Variants in DCAF13 observed in about 807,000 individuals in gnomAD.
DCAF13 encodes the protein DDB1 and CUL4 associated factor 13.
A neutral mutation model predicts 59.0 loss-of-function variants in DCAF13; 38 were observed. The ratio of observed to expected loss-of-function variants is 0.64; its 90% CI spans 0.50 to 0.84. The LOEUF (loss-of-function observed/expected upper bound fraction) is 0.84, where lower values mean the gene tolerates loss of function less well. DCAF13 is among the 40% of genes least tolerant of loss of function. The pLI, the probability that DCAF13 is intolerant of heterozygous loss-of-function variation, is 0.00. For synonymous variants in DCAF13, 173 were observed against 175.0 expected (o/e 0.99, Z 0.09); for missense variants, 469 against 558.4 (o/e 0.84, Z 1.61).
At chr8:103,437,298 A>G (rs1563506578) in intron 8 of DCAF13, among the ~76,000 whole-genome samples, 1 of 152,166 alleles carries the variant, frequency 6.6e-6, no homozygotes, top group Admixed American at 6.5e-5. Context: ...TGGCACCACA[A>G]CTTCCAAAGG....
intron 3 of DCAF13, among the ~76,000 whole-genome samples, chr8:103,424,221 G>C (rs375768638): frequency 4.6e-5 from 7 of 152,046 alleles, no homozygotes; most frequent in African/African-American, 1.4e-4. Flanking sequence ...TAGAGACAGG[G>C]TTTCACCGTG....
chr8:103,442,852 G>T lies in DCAF13; in HGVS notation c.1308G>T (p.Lys436Asn), dbSNP rs759522627. ...GATCTGTGCCACTTGTGTCAGAGAAGAAGAAACACGTAGTGGCAGTTGTAA... is the reference window on the plus strand; with the variant it reads ...GATCTGTGCCACTTGTGTCAGAGAATAAGAAACACGTAGTGGCAGTTGTAA... The part of the protein sequence containing the change: ...KPGSVPLVSE[K>N]KKHVVAVVK The change falls in exon 11 of 11, where the codon AAG becomes AAT. Residue 436 changes from lysine (K) to asparagine (N), a missense_variant. Physicochemically the swap from Lys to Asn is moderately conservative, Grantham distance 94 (BLOSUM62 0). Around this residue, in one of 3 missense-constraint regions of DCAF13, gnomAD observed 84 missense variants for 92.3 expected, o/e 0.91. Transcript: ENST00000612750. 13 of 1,608,384 alleles carry T rather than the reference G, an allele frequency of 8.1e-6. No homozygotes were observed. The highest frequency in any genetic ancestry group is 1.1e-5 in the Non-Finnish European group (13 of 1,178,280).
intron 7 of DCAF13, among the ~76,000 whole-genome samples, chr8:103,433,002 A>C (rs1816885854): frequency 1.3e-5 from 2 of 152,132 alleles, no homozygotes; most frequent in Admixed American, 6.6e-5. Flanking sequence ...TTTTTTATAA[A>C]GTTTTATTGG....
chr8:103,429,131 T>G (rs1205877695), intron 5 of DCAF13: 1 of 152,210 alleles, frequency 6.6e-6, no homozygotes, highest in Non-Finnish European at 1.5e-5. Context: ...TTGGGACGTT[T>G]TACAGTGTGA....
intron 5 of DCAF13, chr8:103,430,382 A>T (rs1262369945): frequency 1.0e-5 from 3 of 286,324 alleles, no homozygotes; most frequent in African/African-American, 7.3e-5. Flanking sequence ...ACAGAGCAAG[A>T]CTCTGTCTCT....
At chr8:103,436,873 G>C (rs1412200418) in intron 8 of DCAF13, among the ~76,000 whole-genome samples, 1 of 152,110 alleles carries the variant, frequency 6.6e-6, no homozygotes, top group African/African-American at 2.4e-5. Flanking sequence ...GGATGATCAT[G>C]GTCATAGTCA....
chr8:103,435,367 T>G (rs775787723), intron 7 of DCAF13, among the ~76,000 whole-genome samples: 2 of 152,082 alleles, frequency 1.3e-5, no homozygotes, highest in African/African-American at 4.8e-5. Flanking sequence ...GTACTCTACT[T>G]TTTTTGAAAT....
intron 7 of DCAF13, 119 bp downstream of exon 7, chr8:103,432,860 ATC>A: frequency 3.6e-6 from 2 of 562,508 alleles, no homozygotes; most frequent in Non-Finnish European, 6.2e-6. Flanking sequence ...GAAAACTGTC[ATC>A]TGTTTAGCTT....
intron 9 of DCAF13, 160 bp from the exon 10 acceptor site, chr8:103,441,295 A>G (rs1817007165): frequency 3.5e-6 from 2 of 576,550 alleles, no homozygotes; most frequent in Admixed American, 3.8e-5. Flanking sequence ...TTGCAGAGCT[A>G]GTGTTACTAA....
In DCAF13 at chr8:103,443,021, A is replaced by G. The variant is rs1817030752; in HGVS notation, c.*139A>G. ...AGCTTTATTGTTACTCCTTTTAGCT[A>G]CCCTGAAAAATGATCCTTAAAGGTG... On this transcript the variant is annotated 3_prime_UTR_variant, in exon 11 of 11. Coordinates refer to ENST00000612750, the MANE Select transcript of DCAF13 (RefSeq NM_015420.7). 3.8e-6 allele frequency: 2 copies of G among 523,108 alleles called. No individual in the cohort carries two copies. Among genetic ancestry groups the G allele is most frequent in the South Asian group, 7.8e-5 (2 of 25,496 alleles). The allele number at this position is 523,108 out of a possible 1,614,324, so 32.4% of individuals were successfully genotyped here.
chr8:103,435,985 C>T (rs147070978), intron 8 of DCAF13, among the ~76,000 whole-genome samples, 195 bp downstream of exon 8: 12 of 152,226 alleles, frequency 7.9e-5, no homozygotes, highest in African/African-American at 1.7e-4. Flanking sequence ...TTCTAGACTA[C>T]GAATCTGTTC....
Position 103,441,618 on chromosome 8 carries a change from A to G in DCAF13, c.1250A>G (p.Lys417Arg). ...ATCATGAAAGAAGCTCGTCGACGAA[A>G]GTATGTTTTGAGGCATTTGACTCTA... is the stretch of plus-strand genomic sequence containing the variant. Reference protein sequence around the residue: ...QRIMKEARRRKEVNRIKHSKP... With the variant: ...QRIMKEARRRREVNRIKHSKP... The change falls in exon 10 of 11, where the codon AAG becomes AGG. Residue 417 changes from lysine to arginine, a missense_variant and splice_region_variant. Lys to Arg is a conservative substitution (Grantham distance 26, BLOSUM62 2). Around this residue, in one of 3 missense-constraint regions of DCAF13, gnomAD observed 84 missense variants for 92.3 expected, o/e 0.91. Transcript: ENST00000612750. The G allele has an allele frequency of 6.2e-7, 1 of 1,610,538 alleles. No homozygotes were observed. Among genetic ancestry groups the G allele is most frequent in the Admixed American group, 1.7e-5 (1 of 58,860 alleles).
intron 8 of DCAF13, among the ~76,000 whole-genome samples, chr8:103,436,745 A>G (rs1816939782): frequency 6.6e-6 from 1 of 152,170 alleles, no homozygotes; most frequent in African/African-American, 2.4e-5. Context: ...TGGTTTACAA[A>G]GAGCTGTTAT....
In DCAF13 at chr8:103,420,390, G is replaced by T. The variant is rs768741309; in HGVS notation, c.197G>T (p.Arg66Leu). Residue 66 changes from arginine (R) to leucine (L), a missense_variant, in exon 2 of 11, where the codon CGT (arginine) becomes CTT (leucine). By Grantham distance (102) the Arg-to-Leu change is moderately radical. This residue lies in a region of DCAF13 where 355 missense variants were observed against 399.1 expected (regional missense o/e 0.89). Transcript: ENST00000612750. ...TTCCTTGCTTCGCTGGATGGTCACC[G>T]TGATGGAGTCAATTGCTTGGCAAAG... ...KPFLASLDGH[R>L]DGVNCLAKHP... is the part of the protein sequence containing the mutation. The T allele has an allele frequency of 3.1e-6, 5 of 1,614,132 alleles. No individual in the cohort carries two copies. Among genetic ancestry groups the T allele is most frequent in the East Asian group, 2.2e-5 (1 of 44,878 alleles).
At chr8:103,426,688 T>C (rs1816796159) in intron 4 of DCAF13, among the ~76,000 whole-genome samples, 1 of 152,202 alleles carries the variant, frequency 6.6e-6, no homozygotes, top group African/African-American at 2.4e-5. Context: ...CATTTTTATA[T>C]TAAGCAAACA....
In DCAF13 at chr8:103,435,533, T is replaced by C. The variant is rs1325293280; in HGVS notation, c.786-93T>C. ...CTTTTTGTTTAGATGTGCATTGTTT[T>C]GCAAATGGTTCTTGTTTTCAGTGGT... On this transcript the variant is annotated intron_variant, in intron 7 of 10. Coordinates refer to ENST00000612750, the MANE Select transcript of DCAF13 (RefSeq NM_015420.7). 6.5e-6 allele frequency: 7 copies of C among 1,079,908 alleles called. No individual in the cohort carries two copies. The Admixed American group carries it at 1.7e-4, about 26-fold the overall frequency. The allele number at this position is 1,079,908 out of a possible 1,614,324, so 66.9% of individuals were successfully genotyped here.
chr8:103,433,570 T>G (rs1816894351), intron 7 of DCAF13, among the ~76,000 whole-genome samples: 1 of 151,974 alleles, frequency 6.6e-6, no homozygotes, highest in African/African-American at 2.4e-5. Flanking sequence ...CTATGTAGAT[T>G]TGGAAGCAAA....
rs774743747 is a variant in DCAF13, at chr8:103,420,247, G to T, written c.71-17G>T. The T allele has an allele frequency of 8.1e-6, 13 of 1,609,196 alleles. No individual in the cohort carries two copies. Among genetic ancestry groups the T allele is most frequent in the African/African-American group, 5.3e-5 (4 of 74,790 alleles). ...ATATTAAGTGTGAATTATTAAGAAG[G>T]ATCATTCTTATTTCAGTTCCAAGAA... is the stretch of plus-strand genomic sequence containing the variant. On this transcript the variant is annotated splice_polypyrimidine_tract_variant and intron_variant, in intron 1 of 10. Coordinates refer to ENST00000612750, the MANE Select transcript of DCAF13 (RefSeq NM_015420.7).
chr8:103,432,770 T>G (rs751174126), intron 7 of DCAF13, 29 bp downstream of exon 7: 1 of 1,371,528 alleles, frequency 7.3e-7, no homozygotes, highest in South Asian at 1.2e-5. Context: ...AAAACTTGTG[T>G]ATTTCTATCA....
Sources: gnomAD v4.1 joint callset for allele counts (sites outside exome capture counted in the v4.1 genomes callset) on GRCh38, gnomAD v4.1.1 for gene constraint, gnomAD v4.1.1 regional missense constraint, MANE v1.5 for transcripts, NCBI Gene and HGNC (gene_info 2026-07-23, HGNC 2026-07-21) for gene names.